The following COL4A4 variants were observed in gnomAD, a reference collection of about 807,000 sequenced individuals.
COL4A4 encodes collagen alpha-4(IV) chain.
In COL4A4, 105 loss-of-function variants were observed where a neutral mutation model predicts 192.9. The observed-to-expected ratio is 0.54, with a 90% CI of 0.46 to 0.64. The LOEUF is 0.64. Ranked by LOEUF, COL4A4 falls within the 30% of genes least tolerant of loss-of-function variation. The pLI is 0.00. For synonymous variants in COL4A4, 762 were observed against 769.9 expected (o/e 0.99, Z 0.17); for missense variants, 1,967 against 2,169.3 (o/e 0.91, Z 1.85).
intron 26 of COL4A4, among the ~76,000 whole-genome samples, chr2:227,062,115 G>A (rs1977233966): frequency 6.6e-6 from 1 of 151,904 alleles, no homozygotes; most frequent in South Asian, 2.1e-4. Context: ...GCGGGTACCT[G>A]TAGTCCCAGC....
At chr2:227,114,530 G>T in intron 8 of COL4A4, 98 bp downstream of exon 8, 3 of 964,640 alleles carry the variant, frequency 3.1e-6, no homozygotes, top group South Asian at 1.3e-5. Flanking sequence ...GGTGTATTCA[G>T]GGACATTTTG....
rs1035280131 is a variant in COL4A4 at position 227,005,365 on chromosome 2, G to T, written c.*1960C>A. 3.3e-5 allele frequency: 5 copies of T among 152,170 alleles called. No individual in the cohort carries two copies. Among genetic ancestry groups the T allele is most frequent in the Non-Finnish European group, 1.5e-5 (1 of 68,036 alleles). 9.4% of individuals were successfully genotyped at this position (152,170 alleles called of 1,614,324 possible). The stretch of plus-strand genomic sequence containing the variant: ...CTCAGGCCAAGTTCAAGATGAACAG[G>T]TTGAACTTTTAGGAGGGTTGACTTT... On this transcript the variant is annotated 3_prime_UTR_variant, in exon 48 of 48. Transcript: ENST00000396625.
At chr2:226,972,918 G>A in the COL4A4 span, among the ~76,000 whole-genome samples, 2 of 139,398 alleles carry the variant, frequency 1.4e-5, no homozygotes, top group Admixed American at 1.5e-4. Flanking sequence ...AGAAAGGAAG[G>A]AAGCCTGTAG....
chr2:227,113,199 C>T (rs1321926975), intron 8 of COL4A4, among the ~76,000 whole-genome samples: 1 of 152,178 alleles, frequency 6.6e-6, no homozygotes, highest in East Asian at 1.9e-4. Context: ...GGCTCCAACT[C>T]TCCATGTAGT....
rs1279100552 is a variant in COL4A4, at chr2:227,041,786, G to A, written c.3505+362C>T. Among the ~76,000 whole-genome samples the A allele has an allele frequency of 1.3e-3, 62 of 47,492 alleles. 6 individuals are homozygous for A. Among genetic ancestry groups the A allele is most frequent in the East Asian group, 5.9e-3 (5 of 848 alleles). 31.2% of individuals were successfully genotyped at this position (47,492 alleles called of 152,430 possible). A position where few individuals can be genotyped will look rare whatever the true frequency, so the allele number is the denominator to read the frequency against. ...AGGAAGGAAGGAAGGAAGGAAGGAA[G>A]GGAAAGAAAGAAAGAAAGGAAGAAA... is the stretch of plus-strand genomic sequence containing the variant. On this transcript the variant is annotated intron_variant, in intron 37 of 47. Coordinates refer to ENST00000396625, the MANE Select transcript of COL4A4 (RefSeq NM_000092.5).
intron 23 of COL4A4, among the ~76,000 whole-genome samples, chr2:227,081,596 G>C (rs1414218047): frequency 1.3e-5 from 2 of 152,106 alleles, no homozygotes; most frequent in Non-Finnish European, 1.5e-5. Flanking sequence ...GCCTGTAGTG[G>C]GGTTTCACCT....
chr2:226,985,115 C>G, the COL4A4 span, among the ~76,000 whole-genome samples: 1 of 152,140 alleles, frequency 6.6e-6, no homozygotes, highest in South Asian at 2.1e-4. Context: ...TTTATCTCCT[C>G]TGATTTGGAG....
chr2:227,118,890 C>A, intron 6 of COL4A4, 129 bp from the exon 7 acceptor site: 3 of 718,534 alleles, frequency 4.2e-6, no homozygotes, highest in African/African-American at 1.7e-5. Flanking sequence ...GTGAAACTTT[C>A]TCTTTACCCC....
At chr2:227,075,456 T>G (rs1051011854) in intron 25 of COL4A4, among the ~76,000 whole-genome samples, 3 of 152,152 alleles carry the variant, frequency 2.0e-5, no homozygotes, top group Non-Finnish European at 4.4e-5. Context: ...ATGAAAAAAC[T>G]CTCAATAAAC....
chr2:227,059,479 G>C lies in COL4A4; in HGVS notation c.2309C>G (p.Pro770Arg). ...GDPAFGHLGP[P>R]GKRGLSGVPG... ...CACTCCTGAAAGACCCCTCTTTCCC[G>C]GGGGTCCCAGGTGACCAAATGCAGG... The change falls in exon 28 of 48, where the codon CCG becomes CGG. Residue 770 changes from proline to arginine, a missense_variant. Transcript: ENST00000396625. 6.2e-7 allele frequency: 1 copy of C among 1,614,022 alleles called. No individual in the cohort carries two copies. Among genetic ancestry groups the C allele is most frequent in the Non-Finnish European group, 8.5e-7 (1 of 1,179,954 alleles).
chr2:227,023,725 C>G (rs984477870), intron 43 of COL4A4, among the ~76,000 whole-genome samples: 1 of 152,160 alleles, frequency 6.6e-6, no homozygotes, highest in African/African-American at 2.4e-5. Context: ...CAAGAACACT[C>G]AGGCTTCGCC....
intron 44 of COL4A4, among the ~76,000 whole-genome samples, chr2:227,014,983 C>T (rs576744517): frequency 2.1e-4 from 32 of 151,140 alleles, no homozygotes; most frequent in East Asian, 1.4e-3. Flanking sequence ...ACTGCAACCT[C>T]CGCCTCTCAG....
At chr2:227,064,328 A>G (rs948864124) in intron 25 of COL4A4, among the ~76,000 whole-genome samples, 1 of 152,214 alleles carries the variant, frequency 6.6e-6, no homozygotes, top group African/African-American at 2.4e-5. Context: ...GCTCAAAGAC[A>G]AGGCTTTTGA....
chr2:227,014,796 C>T (rs1964523084), intron 44 of COL4A4, among the ~76,000 whole-genome samples: 2 of 152,162 alleles, frequency 1.3e-5, no homozygotes, highest in African/African-American at 4.8e-5. Context: ...CTGCAGCCTC[C>T]ACCTCCCAGT....
intron 19 of COL4A4, among the ~76,000 whole-genome samples, chr2:227,096,512 C>T (rs184714371): frequency 1.3e-5 from 2 of 152,256 alleles, no homozygotes; most frequent in African/African-American, 2.4e-5. Context: ...ATTCACTCCT[C>T]GAACAATCCT....
At chr2:226,983,987 C>T in the COL4A4 span, among the ~76,000 whole-genome samples, 6 of 152,286 alleles carry the variant, frequency 3.9e-5, no homozygotes, top group East Asian at 1.9e-4. Context: ...TGTCCCTGCT[C>T]GTATAGGAGG....
intron 25 of COL4A4, among the ~76,000 whole-genome samples, chr2:227,066,608 G>C (rs2058356064): frequency 6.6e-6 from 1 of 150,898 alleles, no homozygotes; most frequent in East Asian, 1.9e-4. Context: ...TTCATATCCA[G>C]CCAAACTAAG....
In COL4A4 at chr2:227,035,523, G is replaced by A. The variant is rs144559004; in HGVS notation, c.3506-2042C>T. Among the ~76,000 whole-genome samples, 380 of 140,260 alleles carry A rather than the reference G, an allele frequency of 2.7e-3. 4 individuals carry two copies. The highest frequency in any genetic ancestry group is 0.01 in the African/African-American group (359 of 35,686). The allele number at this position is 140,260 out of a possible 152,430, so 92.0% of individuals were successfully genotyped here. A position where few individuals can be genotyped will look rare whatever the true frequency, so the allele number is the denominator to read the frequency against. ...ATTGGTTCAAATGAGCCATATTCTC[G>A]TGCACCAAAAAAAAAAAAAAAATGG... is the stretch of plus-strand genomic sequence containing the variant. On this transcript the variant is annotated intron_variant, in intron 37 of 47. Coordinates refer to ENST00000396625, the MANE Select transcript of COL4A4 (RefSeq NM_000092.5).
At chr2:227,041,840 GAAAGAAAGAGAAAGA>G in intron 37 of COL4A4, among the ~76,000 whole-genome samples, 2 of 73,060 alleles carry the variant, frequency 2.7e-5, no homozygotes, top group African/African-American at 1.5e-4. Flanking sequence ...AAGAAAGAAA[GAAAGAAAGAGAAAGA>G]AAGAAAGAAA....
Sources: gnomAD v4.1 joint callset for allele counts (sites outside exome capture counted in the v4.1 genomes callset) on GRCh38, gnomAD v4.1.1 for gene constraint, MANE v1.5 for transcripts, NCBI Gene and HGNC (gene_info 2026-07-23, HGNC 2026-07-21) for gene names.